Variants in DPY19L1 observed in about 807,000 individuals in gnomAD.
DPY19L1 encodes dpy-19 like C-mannosyltransferase 1, also known as protein C-mannosyl-transferase DPY19L1.
A neutral mutation model predicts 96.9 loss-of-function variants in DPY19L1; 35 were observed. The observed-to-expected ratio is 0.36, with a 90% CI of 0.28 to 0.48. DPY19L1 has a LOEUF of 0.48. Among genes scored for constraint, DPY19L1 ranks in the 20% least tolerant of loss-of-function variants. DPY19L1 has a pLI of 0.99. For synonymous variants in DPY19L1, 205 were observed against 252.6 expected (o/e 0.81, Z 1.79); for missense variants, 521 against 777.9 (o/e 0.67, Z 3.93).
intron 6 of DPY19L1, among the ~76,000 whole-genome samples, chr7:34,990,505 G>A (rs1215062155): frequency 2.0e-5 from 3 of 152,146 alleles, no homozygotes; most frequent in Admixed American, 6.6e-5. Context: ...GAATACACTT[G>A]AGGAATACCA....
chr7:34,937,987 T>C lies in DPY19L1; in HGVS notation c.2090+7A>G. 1 of 1,612,300 alleles carries C rather than the reference T, an allele frequency of 6.2e-7. No homozygotes were observed. Among genetic ancestry groups the C allele is most frequent in the Non-Finnish European group, 8.5e-7 (1 of 1,179,342 alleles). On this transcript the variant is annotated splice_region_variant and intron_variant, in intron 21 of 21. Transcript: ENST00000638088. ...GATTATAAAATGTTAACTGTGTTGA[T>C]ACTCACTTGGATCTTCTTACACACC...
chr7:34,964,069 T>C (rs1293136632), intron 10 of DPY19L1, among the ~76,000 whole-genome samples: 2 of 152,124 alleles, frequency 1.3e-5, no homozygotes, highest in African/African-American at 4.8e-5. Context: ...TAATTAAAAA[T>C]GCTTAAGGTG....
intron 3 of DPY19L1, 80 bp downstream of exon 3, chr7:35,017,802 T>A: frequency 8.6e-7 from 1 of 1,162,374 alleles, no homozygotes; most frequent in Non-Finnish European, 1.2e-6. Context: ...TTGGAACATC[T>A]TGAAATTTTC....
At chr7:34,961,255 A>C (rs565834063) in intron 10 of DPY19L1, among the ~76,000 whole-genome samples, 4 of 152,312 alleles carry the variant, frequency 2.6e-5, no homozygotes, top group Admixed American at 2.6e-4. Context: ...CTTGCTATAA[A>C]GTTACTGTAA....
chr7:35,032,278 A>G (rs1005209420), intron 1 of DPY19L1, among the ~76,000 whole-genome samples: 2 of 152,140 alleles, frequency 1.3e-5, no homozygotes, highest in African/African-American at 4.8e-5. Flanking sequence ...TAGGAAACAC[A>G]TTGCCTGGGT....
intron 7 of DPY19L1, among the ~76,000 whole-genome samples, chr7:34,986,121 A>T (rs1785041642): frequency 6.6e-6 from 1 of 152,094 alleles, no homozygotes. Flanking sequence ...TCACAGAAAC[A>T]GAGAACAGAA....
At chr7:34,999,341 T>A (rs1785369553) in intron 6 of DPY19L1, among the ~76,000 whole-genome samples, 1 of 151,988 alleles carries the variant, frequency 6.6e-6, no homozygotes, top group African/African-American at 2.4e-5. Context: ...AAAATAAAAA[T>A]CAACAACCAG....
At chr7:35,031,521 C>G (rs1786260428) in intron 1 of DPY19L1, among the ~76,000 whole-genome samples, 4 of 152,140 alleles carry the variant, frequency 2.6e-5, no homozygotes, top group Non-Finnish European at 5.9e-5. Flanking sequence ...ATACCTAACA[C>G]ACTCATTAAG....
At chr7:35,037,792 C>A (rs1413037221), upstream of DPY19L1, 2 of 1,209,278 alleles carry the variant, frequency 1.7e-6, no homozygotes, top group East Asian at 3.3e-5. Flanking sequence ...CGGGGCCCGA[C>A]CCCTCTGGCG....
chr7:34,973,585 T>C lies in DPY19L1; in HGVS notation c.843A>G (p.Thr281=). ...ATGAGAAGCTTTCACGGAGAGGTGG[T>C]GTCCACATTACACGGGTACACTGAA... ...NHGECTRVMW[T]PPLRESFSYP... is the part of the protein sequence containing the mutation. The change falls in exon 8 of 22, where the codon ACA becomes ACG. Residue 281 remains threonine (T), a synonymous_variant. Coordinates refer to ENST00000638088, the MANE Select transcript of DPY19L1 (RefSeq NM_001366673.1). 6.6e-7 allele frequency: 1 copy of C among 1,521,438 alleles called. No individual in the cohort carries two copies. Among genetic ancestry groups the C allele is most frequent in the South Asian group, 1.4e-5 (1 of 71,206 alleles). The allele number at this position is 1,521,438 out of a possible 1,614,324, so 94.2% of individuals were successfully genotyped here. A position where few individuals can be genotyped will look rare whatever the true frequency, so the allele number is the denominator to read the frequency against.
intron 1 of DPY19L1, among the ~76,000 whole-genome samples, chr7:35,019,975 A>G (rs879815302): frequency 1.3e-5 from 2 of 152,092 alleles, no homozygotes; most frequent in African/African-American, 2.4e-5. Context: ...GCTGGGTAAC[A>G]CAGCAAGATC....
chr7:34,958,972 G>C (rs1009657417), intron 10 of DPY19L1, among the ~76,000 whole-genome samples: 1 of 151,530 alleles, frequency 6.6e-6, no homozygotes, highest in African/African-American at 2.4e-5. Context: ...ATATATTACA[G>C]AACATAGCCC....
chr7:34,986,731 G>C (rs1338094971), intron 7 of DPY19L1, among the ~76,000 whole-genome samples: 1 of 151,944 alleles, frequency 6.6e-6, no homozygotes, highest in Non-Finnish European at 1.5e-5. Context: ...ATATGTTGTA[G>C]GTCATAAAAA....
chr7:34,943,697 A>G (rs946570822), intron 16 of DPY19L1, among the ~76,000 whole-genome samples: 1 of 152,304 alleles, frequency 6.6e-6, no homozygotes, highest in Non-Finnish European at 1.5e-5. Flanking sequence ...ATGAAGCTCA[A>G]TGGTTTCCTA....
chr7:34,978,646 G>C (rs1784877768), intron 7 of DPY19L1, among the ~76,000 whole-genome samples: 1 of 152,020 alleles, frequency 6.6e-6, no homozygotes, highest in Non-Finnish European at 1.5e-5. Flanking sequence ...AAGTAAGCCT[G>C]GTTGCTTTCT....
intron 6 of DPY19L1, among the ~76,000 whole-genome samples, chr7:35,005,334 T>C (rs13225053): frequency 0.059 from 8,864 of 151,208 alleles, 358 homozygotes; most frequent in Middle Eastern, 0.18. Context: ...CATTTCACCA[T>C]CCTAAGATTC....
In DPY19L1 at chr7:34,929,818, A is replaced by C. The variant is rs1783713351; in HGVS notation, c.*1755T>G. ...TTTCTAAAACTAGCAAAAGCCTAAG[A>C]AATAAAAACAGTCAACCAGCAAATG... On this transcript the variant is annotated 3_prime_UTR_variant, in exon 22 of 22. Transcript: ENST00000638088. 1 of 152,232 alleles carries C rather than the reference A, an allele frequency of 6.6e-6. No homozygotes were observed. The highest frequency in any genetic ancestry group is 1.5e-5 in the Non-Finnish European group (1 of 68,052). 9.4% of individuals were successfully genotyped at this position (152,232 alleles called of 1,614,324 possible).
intron 6 of DPY19L1, among the ~76,000 whole-genome samples, chr7:35,006,929 C>CA (rs1406366006): frequency 1.3e-5 from 2 of 152,224 alleles, no homozygotes; most frequent in Admixed American, 1.3e-4. Context: ...AGACAAATCT[C>CA]AACTTTTATT....
At chr7:34,947,165 T>C (rs868236110) in intron 15 of DPY19L1, among the ~76,000 whole-genome samples, 3 of 152,350 alleles carry the variant, frequency 2.0e-5, no homozygotes, top group Middle Eastern at 6.8e-3. Flanking sequence ...CAAAGCCAAC[T>C]TGGGGACCTA....
Sources: gnomAD v4.1 joint callset for allele counts (sites outside exome capture counted in the v4.1 genomes callset) on GRCh38, gnomAD v4.1.1 for gene constraint, MANE v1.5 for transcripts, NCBI Gene and HGNC (gene_info 2026-07-23, HGNC 2026-07-21) for gene names.